Variants in TSKS observed in about 807,000 individuals in gnomAD.
TSKS encodes the protein testis specific serine kinase substrate.
In TSKS, 27 loss-of-function variants were observed where a neutral mutation model predicts 68.0. That is an observed-to-expected ratio of 0.40 (90% CI 0.29 to 0.55). The LOEUF (loss-of-function observed/expected upper bound fraction) is 0.55. Ranked by LOEUF, TSKS falls within the 20% of genes least tolerant of loss-of-function variation. The probability of loss-of-function intolerance (pLI) is 0.53; values close to 1 mark genes in which losing one functional copy is unlikely to be tolerated. For synonymous variants in TSKS, 331 were observed against 340.4 expected (o/e 0.97, Z 0.30); for missense variants, 806 against 776.0 (o/e 1.04, Z -0.46).
chr19:49,741,928 G>A lies in TSKS; in HGVS notation c.1454C>T (p.Thr485Ile), dbSNP rs770504466. 6.2e-7 allele frequency: 1 copy of A among 1,614,220 alleles called. No individual in the cohort carries two copies. Among genetic ancestry groups the A allele is most frequent in the Non-Finnish European group, 8.5e-7 (1 of 1,180,040 alleles). ...LVDEVKQRGLTPACPSCQRLH... is the reference protein window; with the variant it reads ...LVDEVKQRGLIPACPSCQRLH... ...CCTCTGACAGCTGGGACAGGCAGGA[G>A]TCAGGCCCCTCTGCTTCACCTCGTC... is the stretch of plus-strand genomic sequence containing the variant. Residue 485 changes from threonine to isoleucine, a missense_variant, in exon 9 of 11, where the codon ACT (threonine) becomes ATT (isoleucine). Coordinates refer to ENST00000246801, the MANE Select transcript of TSKS (RefSeq NM_021733.2).
intron 9 of TSKS, 23 bp downstream of exon 9, chr19:49,741,862 T>G: frequency 6.2e-7 from 1 of 1,614,142 alleles, no homozygotes; most frequent in East Asian, 2.2e-5. Context: ...AAGTGGGACA[T>G]GGTGGCCCAT....
intron 8 of TSKS, 35 bp downstream of exon 8, chr19:49,744,196 C>T: frequency 6.2e-7 from 1 of 1,600,224 alleles, no homozygotes; most frequent in Non-Finnish European, 8.6e-7. Context: ...ATGTCCTATC[C>T]ACAAGGCTCC....
chr19:49,746,356 C>T (rs922134220), intron 6 of TSKS, 114 bp downstream of exon 6: 3 of 1,280,674 alleles, frequency 2.3e-6, no homozygotes, highest in Non-Finnish European at 3.2e-6. Flanking sequence ...CCGCCCACCT[C>T]AGCTACTTGA....
Position 49,761,987 on chromosome 19 carries a change from G to C in TSKS, c.399+17C>G, listed in dbSNP as rs144347419. 1.3e-6 allele frequency: 2 copies of C among 1,598,134 alleles called. No individual in the cohort carries two copies. Among genetic ancestry groups the C allele is most frequent in the Admixed American group, 3.3e-5 (2 of 59,710 alleles). On this transcript the variant is annotated intron_variant, in intron 2 of 10. Transcript: ENST00000246801. Reference sequence around the variant, plus strand: ...GGACCTCGGTCCTCCCCAGCGGGTGGTGTGGAGGGCCCTCACCAGGATTTC... The same window carrying C: ...GGACCTCGGTCCTCCCCAGCGGGTGCTGTGGAGGGCCCTCACCAGGATTTC...
At chr19:49,755,933 G>A (rs536155953) in intron 2 of TSKS, among the ~76,000 whole-genome samples, 5 of 152,116 alleles carry the variant, frequency 3.3e-5, no homozygotes, top group East Asian at 1.9e-4. Context: ...CCTGGGAGGC[G>A]GAGGTTGCAG....
Position 49,744,388 on chromosome 19 carries a change from C to T in TSKS, c.1204G>A (p.Val402Met), listed in dbSNP as rs141358498. 1.9e-6 allele frequency: 3 copies of T among 1,613,972 alleles called. No homozygotes were observed. Among genetic ancestry groups the T allele is most frequent in the South Asian group, 2.2e-5 (2 of 91,086 alleles). ...ELCTMVERSA[V>M]SVASLRSELE... ...TCGCTCCTCAGTGAAGCCACAGACA[C>T]TGCTGACCGCTCCACCCTGAGGCAT... is the stretch of plus-strand genomic sequence containing the variant. The change falls in exon 8 of 11, where the codon GTG (valine) becomes ATG (methionine). Residue 402 changes from valine to methionine, a missense_variant. Transcript: ENST00000246801.
At chr19:49,762,944 G>A in intron 1 of TSKS, 134 bp downstream of exon 1, 1 of 1,114,250 alleles carries the variant, frequency 9.0e-7, no homozygotes, top group Middle Eastern at 2.1e-4. Flanking sequence ...TCTCTTCACT[G>A]CTGCCCTCTT....
At chr19:49,755,416 C>T (rs549157574) in intron 2 of TSKS, among the ~76,000 whole-genome samples, 18 of 152,238 alleles carry the variant, frequency 1.2e-4, no homozygotes, top group Admixed American at 3.9e-4. Flanking sequence ...CTCCAGGGGC[C>T]GGGCCAAGTG....
intron 8 of TSKS, among the ~76,000 whole-genome samples, chr19:49,743,691 G>A (rs939386336): frequency 2.0e-5 from 3 of 150,382 alleles, no homozygotes; most frequent in Admixed American, 6.7e-5. Flanking sequence ...TAGTAGAGAC[G>A]GTGTTTCACC....
chr19:49,744,748 C>A (rs1395686629), intron 7 of TSKS, among the ~76,000 whole-genome samples: 3 of 151,862 alleles, frequency 2.0e-5, no homozygotes, highest in Non-Finnish European at 2.9e-5. Flanking sequence ...CACACCACTC[C>A]CAGCTAATTT....
intron 5 of TSKS, 116 bp downstream of exon 5, chr19:49,747,273 G>C: frequency 6.3e-7 from 1 of 1,592,410 alleles, no homozygotes; most frequent in African/African-American, 1.3e-5. Context: ...CTATGTGCAC[G>C]AAGGTGCAGT....
chr19:49,755,919 T>G (rs2084388844), intron 2 of TSKS, among the ~76,000 whole-genome samples: 2 of 151,994 alleles, frequency 1.3e-5, no homozygotes, highest in African/African-American at 4.8e-5. Flanking sequence ...GAGAATCGCT[T>G]GAACCTGGGA....
chr19:49,744,295 T>C lies in TSKS; in HGVS notation c.1297A>G (p.Arg433Gly). 1.2e-6 allele frequency: 2 copies of C among 1,614,088 alleles called. No individual in the cohort carries two copies. Among genetic ancestry groups the C allele is most frequent in the Non-Finnish European group, 1.7e-6 (2 of 1,180,014 alleles). Reference protein sequence around the residue: ...EFGRQFQNSRRGPDLSMNLDR... With the variant: ...EFGRQFQNSRGGPDLSMNLDR... ...AGGTTCATGGAGAGGTCAGGCCCTC[T>C]TCGAGAGTTCTGAAATTGCCGCCCG... Residue 433 changes from arginine (R) to glycine (G), a missense_variant, in exon 8 of 11, where the codon AGA becomes GGA. Transcript: ENST00000246801.
At chr19:49,744,428 G>T (rs1223837025) in intron 7 of TSKS, 24 bp from the exon 8 acceptor site, 1 of 1,604,116 alleles carries the variant, frequency 6.2e-7, no homozygotes, top group African/African-American at 1.3e-5. Flanking sequence ...AACCAGTGCT[G>T]CTGGGTCGTC....
intron 4 of TSKS, among the ~76,000 whole-genome samples, chr19:49,747,869 T>C (rs2084315754): frequency 6.6e-6 from 1 of 152,056 alleles, no homozygotes; most frequent in African/African-American, 2.4e-5. Context: ...CCACCACACC[T>C]GGCTAATTTT....
chr19:49,746,517 C>T lies in TSKS; in HGVS notation c.945G>A (p.Val315=), dbSNP rs571577128. The change falls in exon 6 of 11, where the codon GTG becomes GTA. Residue 315 remains valine (V), a synonymous_variant. Transcript: ENST00000246801. The stretch of plus-strand genomic sequence containing the variant: ...ACAGCTTCTGCAATTCCTGCTCGCT[C>T]ACGTAGGGGCCCTCGCCAGCCCGAG... The part of the protein sequence containing the change: ...MGPRAGEGPY[V]SEQELQKLFT... 1.9e-6 allele frequency: 3 copies of T among 1,613,880 alleles called. No individual in the cohort carries two copies. The South Asian group carries it at 3.3e-5, about 18-fold the overall frequency.
chr19:49,746,352 A>T (rs1348724618), intron 6 of TSKS, 118 bp downstream of exon 6: 3 of 1,221,008 alleles, frequency 2.5e-6, no homozygotes, highest in Non-Finnish European at 3.4e-6. Context: ...GTCACCGCCC[A>T]CCTCAGCTAC....
In TSKS at chr19:49,762,998, G is replaced by C. The variant is rs908265033; in HGVS notation, c.170+80C>G. On this transcript the variant is annotated intron_variant, in intron 1 of 10. Coordinates refer to ENST00000246801, the MANE Select transcript of TSKS (RefSeq NM_021733.2). ...GGCTTTTCCCCCTCCCCTTCCTCTA[G>C]CACCCACAGTCGGACTCCTGCTCTG... 8 of 1,480,734 alleles carry C rather than the reference G, an allele frequency of 5.4e-6. No individual in the cohort carries two copies. The South Asian group carries it at 9.7e-5, about 18-fold the overall frequency. The allele number at this position is 1,480,734 out of a possible 1,614,324, so 91.7% of individuals were successfully genotyped here. A position where few individuals can be genotyped will look rare whatever the true frequency, so the allele number is the denominator to read the frequency against.
chr19:49,745,185 CT>C lies in TSKS; in HGVS notation c.1187+16del. ...CTGCCCCTTCCGGTCTTCCCATGCA[CT>C]GGCCCCAATCCTCACATGGTGCACA... On this transcript the variant is annotated intron_variant, in intron 7 of 10. Coordinates refer to ENST00000246801, the MANE Select transcript of TSKS (RefSeq NM_021733.2). 1.9e-6 allele frequency: 3 copies of C among 1,561,836 alleles called. 1 individual carries two copies. In the South Asian group the frequency reaches 3.5e-5, roughly 18 times the overall value.
Sources: allele counts gnomAD v4.1 joint callset (sites outside exome capture counted in the v4.1 genomes callset), GRCh38; gene constraint gnomAD v4.1.1; transcripts MANE v1.5; gene names NCBI Gene and HGNC (gene_info 2026-07-23, HGNC 2026-07-21).